The following IMPG1 variants were observed in gnomAD, a reference collection of about 807,000 sequenced individuals.
IMPG1 encodes the protein interphotoreceptor matrix proteoglycan of 150 kDa.
Under a neutral mutation model 92.0 loss-of-function variants are expected in IMPG1, and 85 were observed. The ratio of observed to expected loss-of-function variants is 0.92; its 90% CI spans 0.78 to 1.11. The LOEUF (loss-of-function observed/expected upper bound fraction) is 1.11, where lower values mean the gene tolerates loss of function less well. Ranked by LOEUF, IMPG1 falls within the 50% of genes least tolerant of loss-of-function variation. The pLI is 0.00. For synonymous variants in IMPG1, 367 were observed against 334.1 expected, an observed-to-expected ratio of 1.10 and a Z score of -1.08; for missense variants, 1,022 against 956.0, an observed-to-expected ratio of 1.07 and a Z score of -0.91.
intron 4 of IMPG1, among the ~76,000 whole-genome samples, chr6:76,031,111 C>T (rs113913774): frequency 0.011 from 1,710 of 152,206 alleles, 34 homozygotes; most frequent in African/African-American, 0.039. Flanking sequence ...GGCTGTGGGA[C>T]GGACAAGGAC....
At chr6:76,037,160 G>A (rs1357855042) in intron 2 of IMPG1, among the ~76,000 whole-genome samples, 1 of 152,178 alleles carries the variant, frequency 6.6e-6, no homozygotes, top group East Asian at 1.9e-4. Context: ...GGTGAGACGA[G>A]ACCAATCTGG....
intron 1 of IMPG1, among the ~76,000 whole-genome samples, chr6:76,043,971 C>G (rs111426413): frequency 0.011 from 1,641 of 152,340 alleles, 35 homozygotes; most frequent in African/African-American, 0.038. Context: ...AGCCATGTGC[C>G]TGGAGCAAGA....
intron 1 of IMPG1, among the ~76,000 whole-genome samples, chr6:76,071,069 C>A (rs1243194915): frequency 6.7e-6 from 1 of 150,306 alleles, no homozygotes; most frequent in Non-Finnish European, 1.5e-5. Context: ...TCTTGATAAG[C>A]TTATTTCATT....
At chr6:75,926,000 C>G (rs1327159577) in intron 15 of IMPG1, among the ~76,000 whole-genome samples, 1 of 152,160 alleles carries the variant, frequency 6.6e-6, no homozygotes, top group East Asian at 1.9e-4. Flanking sequence ...AGTTGAGTAA[C>G]AAGTTCCTTG....
At chr6:76,004,903 T>G (rs1336408564) in intron 10 of IMPG1, among the ~76,000 whole-genome samples, 1 of 152,158 alleles carries the variant, frequency 6.6e-6, no homozygotes, top group Non-Finnish European at 1.5e-5. Context: ...TCTCCTCAAA[T>G]TATACTAATT....
At chr6:76,042,423 C>A (rs1331342872) in intron 1 of IMPG1, among the ~76,000 whole-genome samples, 1 of 152,016 alleles carries the variant, frequency 6.6e-6, no homozygotes, top group Non-Finnish European at 1.5e-5. Context: ...AAATCACTCC[C>A]CACTTAGCAC....
At chr6:75,972,403 C>G (rs1028026965) in intron 12 of IMPG1, among the ~76,000 whole-genome samples, 2 of 150,462 alleles carry the variant, frequency 1.3e-5, no homozygotes, top group African/African-American at 4.9e-5. Flanking sequence ...CACCCATAAC[C>G]CATCCCAACC....
At chr6:76,061,823 C>A (rs1280935964) in intron 1 of IMPG1, among the ~76,000 whole-genome samples, 1 of 152,078 alleles carries the variant, frequency 6.6e-6, no homozygotes, top group African/African-American at 2.4e-5. Context: ...ACTGGTATTT[C>A]CATTATGAAC....
chr6:76,008,961 T>C (rs895734393), intron 8 of IMPG1, among the ~76,000 whole-genome samples: 2 of 152,232 alleles, frequency 1.3e-5, no homozygotes, highest in Non-Finnish European at 2.9e-5. Flanking sequence ...GAGTCTATTA[T>C]AAATAAAATC....
chr6:76,054,533 G>A (rs1784090353), intron 1 of IMPG1, among the ~76,000 whole-genome samples: 1 of 152,056 alleles, frequency 6.6e-6, no homozygotes, highest in African/African-American at 2.4e-5. Context: ...AGACACAGAG[G>A]TTAAAATGAG....
At chr6:76,001,732 A>G (rs1782993699) in intron 12 of IMPG1, among the ~76,000 whole-genome samples, 1 of 152,226 alleles carries the variant, frequency 6.6e-6, no homozygotes, top group Non-Finnish European at 1.5e-5. Flanking sequence ...TGGAGCAGAG[A>G]AAAGCTGTCC....
chr6:76,011,791 T>A (rs1000722885), intron 7 of IMPG1, among the ~76,000 whole-genome samples: 1 of 134,778 alleles, frequency 7.4e-6, no homozygotes, highest in African/African-American at 2.8e-5. Flanking sequence ...TGTGTCCATG[T>A]GATCTCATTG....
intron 11 of IMPG1, among the ~76,000 whole-genome samples, chr6:76,003,260 G>A (rs576611684): frequency 2.6e-4 from 40 of 152,248 alleles, no homozygotes; most frequent in African/African-American, 9.1e-4. Context: ...AAGATACTTT[G>A]ATTTATGTCA....
At position 76,022,136 on chromosome 6, in the gene IMPG1, C is replaced by T. The variant is rs145167884; in HGVS notation, c.646G>A (p.Asp216Asn). 198 of 1,586,406 alleles carry T rather than the reference C, an allele frequency of 1.2e-4. No homozygotes were observed. The African/African-American group carries it at 2.0e-3, about 16-fold the overall frequency. ...CTTACTGTTGTAGGCATCTTGGTGT[C>T]GTTGAGTGTATTATCGAGAATTTCA... ...LNEILDNTLNDTKMPTTERET... is the reference protein window; with the variant it reads ...LNEILDNTLNNTKMPTTERET... Residue 216 changes from aspartate to asparagine, a missense_variant, in exon 6 of 17, where the codon GAC (aspartate) becomes AAC (asparagine). Asp to Asn is a conservative substitution (Grantham distance 23). Around this residue, in one of 3 missense-constraint regions of IMPG1, gnomAD observed 681 missense variants for 583.6 expected, o/e 1.17. Coordinates refer to ENST00000369950, the MANE Select transcript of IMPG1 (RefSeq NM_001563.4).
At chr6:76,040,134 A>G (rs988304871) in intron 2 of IMPG1, among the ~76,000 whole-genome samples, 1 of 152,168 alleles carries the variant, frequency 6.6e-6, no homozygotes, top group Non-Finnish European at 1.5e-5. Context: ...CATATTACCT[A>G]GGGGCAGCCA....
At position 75,948,593 on chromosome 6, in the gene IMPG1, C is replaced by A. The variant is rs560558458; in HGVS notation, c.1825-1060G>T. 1.2e-4 allele frequency among the ~76,000 whole-genome samples: 18 copies of A among 152,242 alleles called. No homozygotes were observed. The East Asian group carries it at 2.1e-3, about 18-fold the overall frequency. ...GGTACTTCCCTTTTCAAGTTACTGT[C>A]CCCTGATGAGGACAGAACTTACTTG... On this transcript the variant is annotated intron_variant, in intron 13 of 16. Coordinates refer to ENST00000369950, the MANE Select transcript of IMPG1 (RefSeq NM_001563.4).
At chr6:76,059,980 A>G (rs1418351655) in intron 1 of IMPG1, among the ~76,000 whole-genome samples, 1 of 152,198 alleles carries the variant, frequency 6.6e-6, no homozygotes, top group African/African-American at 2.4e-5. Context: ...TTAGTTCTAC[A>G]TGTGTTATTT....
chr6:75,927,608 CAG>C (rs1781577877), intron 15 of IMPG1, among the ~76,000 whole-genome samples: 1 of 152,008 alleles, frequency 6.6e-6, no homozygotes, highest in Non-Finnish European at 1.5e-5. Flanking sequence ...CTGAGGGTAT[CAG>C]GGGTTAATAC....
intron 2 of IMPG1, among the ~76,000 whole-genome samples, chr6:76,040,291 G>C (rs1050760221): frequency 2.0e-5 from 3 of 152,160 alleles, no homozygotes; most frequent in Admixed American, 6.5e-5. Flanking sequence ...GCAATAAATA[G>C]GGTATTCCAA....
Sources: allele counts gnomAD v4.1 joint callset (sites outside exome capture counted in the v4.1 genomes callset), GRCh38; gene constraint gnomAD v4.1.1; regional missense constraint gnomAD v4.1.1; transcripts MANE v1.5; gene names NCBI Gene and HGNC (gene_info 2026-07-23, HGNC 2026-07-21).